The following SCUBE1 variants were observed in gnomAD, a reference collection of about 807,000 sequenced individuals.
SCUBE1 encodes the protein signal peptide, CUB and EGF-like domain-containing protein 1.
SCUBE1 carries 59 observed loss-of-function variants against 124.4 expected under a neutral mutation model. That is an observed-to-expected ratio of 0.47 (90% CI 0.38 to 0.59). The LOEUF (loss-of-function observed/expected upper bound fraction) is 0.59. Ranked by LOEUF, SCUBE1 falls within the 20% of genes least tolerant of loss-of-function variation. SCUBE1 has a pLI of 0.00. For missense variants in SCUBE1, 1,150 were observed against 1,371.2 expected, an observed-to-expected ratio of 0.84 and a Z score of 2.55; for synonymous variants, 545 against 550.9, an observed-to-expected ratio of 0.99 and a Z score of 0.15.
intron 4 of SCUBE1, among the ~76,000 whole-genome samples, chr22:43,269,468 G>A (rs752861610): frequency 2.6e-5 from 4 of 152,158 alleles, no homozygotes; most frequent in South Asian, 2.1e-4. Context: ...TTGCCGCCAC[G>A]GTCGGATAAC....
chr22:43,224,574 T>C (rs1349771044), intron 10 of SCUBE1, among the ~76,000 whole-genome samples: 2 of 152,222 alleles, frequency 1.3e-5, no homozygotes, highest in Non-Finnish European at 2.9e-5. Flanking sequence ...GTCAGAGGTC[T>C]ATGATACTAG....
intron 4 of SCUBE1, among the ~76,000 whole-genome samples, chr22:43,278,886 C>T (rs1924644606): frequency 2.0e-5 from 3 of 152,104 alleles, no homozygotes; most frequent in Admixed American, 2.0e-4. Flanking sequence ...TGGAGCTGGG[C>T]CTGTCGAGGA....
rs374532690 is a variant in SCUBE1 at position 43,212,402 on chromosome 22, C to T, written c.2221+23G>A. ...AGCCCTGCCTCTCGGGGTGGGCGGG[C>T]GTGGTGGGGAGGGCATGCTCACCTT... On this transcript the variant is annotated intron_variant, in intron 17 of 21. Coordinates refer to ENST00000360835, the MANE Select transcript of SCUBE1 (RefSeq NM_173050.5). 5.4e-5 allele frequency: 83 copies of T among 1,532,982 alleles called. No individual in the cohort carries two copies. In the African/African-American group the frequency reaches 1.0e-3, roughly 19 times the overall value. 95.0% of individuals were successfully genotyped at this position (1,532,982 alleles called of 1,614,324 possible). A position where few individuals can be genotyped will look rare whatever the true frequency, so the allele number is the denominator to read the frequency against.
intron 7 of SCUBE1, chr22:43,238,496 C>T (rs1176608641): frequency 1.7e-6 from 1 of 580,216 alleles, no homozygotes; most frequent in Admixed American, 3.1e-5. Context: ...GGAAGCCACA[C>T]TATCACTGAG....
intron 11 of SCUBE1, 105 bp downstream of exon 11, chr22:43,222,992 C>G: frequency 7.0e-7 from 1 of 1,428,890 alleles, no homozygotes; most frequent in Non-Finnish European, 9.4e-7. Flanking sequence ...GACCCTCATT[C>G]CTAGGTCAGA....
At chr22:43,281,458 CTCAGCCACCCTCCTGTCACCTCCCTCT>C (rs1924859375) in intron 4 of SCUBE1, among the ~76,000 whole-genome samples, 1 of 72,068 alleles carries the variant, frequency 1.4e-5, no homozygotes, top group South Asian at 4.8e-4. Context: ...TGTCATCTCC[CTCAGCCACCCTCCTGTCACCTCCCTCT>C]TTGGCCACCC....
At chr22:43,265,701 C>A (rs143743732) in intron 4 of SCUBE1, among the ~76,000 whole-genome samples, 1 of 152,226 alleles carries the variant, frequency 6.6e-6, no homozygotes, top group African/African-American at 2.4e-5. Flanking sequence ...GAGCCCAAAT[C>A]GCTCTGATGG....
Position 43,210,352 on chromosome 22 carries a change from T to TC in SCUBE1, c.2384-113dup, listed in dbSNP as rs370202223. 3.1e-4 allele frequency: 266 copies of TC among 870,934 alleles called. No individual in the cohort carries two copies. The highest frequency in any genetic ancestry group is 7.1e-4 in the Middle Eastern group (2 of 2,816). The allele number at this position is 870,934 out of a possible 1,614,324, so 54.0% of individuals were successfully genotyped here. ...AGGGCAGGGCTGGAAGGTGCTCTTG[T>TC]CCCCCCCCACACTAGCCCTCGGACC... On this transcript the variant is annotated intron_variant, in intron 18 of 21. Coordinates refer to ENST00000360835, the MANE Select transcript of SCUBE1 (RefSeq NM_173050.5). This position sits in a 1 kb window ranked among gnomAD's most constrained non-coding sequence, Gnocchi z 4.5.
chr22:43,239,027 ATCT>A (rs1172328829), intron 6 of SCUBE1, 73 bp from the exon 7 acceptor site: 14 of 1,217,340 alleles, frequency 1.2e-5, no homozygotes, highest in Non-Finnish European at 2.4e-6. Flanking sequence ...CCGTGGAAAG[ATCT>A]TCTATGAGAC....
intron 3 of SCUBE1, among the ~76,000 whole-genome samples, chr22:43,296,365 C>T (rs1925559362): frequency 1.3e-5 from 2 of 152,204 alleles, no homozygotes; most frequent in African/African-American, 4.8e-5. Flanking sequence ...GTCCAGAATC[C>T]CTGGGCGGCT....
At chr22:43,293,212 C>G (rs1017613852) in intron 3 of SCUBE1, among the ~76,000 whole-genome samples, 1 of 152,256 alleles carries the variant, frequency 6.6e-6, no homozygotes, top group Non-Finnish European at 1.5e-5. Flanking sequence ...ACTCATCCTG[C>G]TAACAACACA....
chr22:43,232,008 GCTGGCTCCCCAGCT>G, intron 7 of SCUBE1, 133 bp from the exon 8 acceptor site: 2 of 1,065,028 alleles, frequency 1.9e-6, no homozygotes, highest in Non-Finnish European at 2.8e-6. Context: ...CAAGCTGGCT[GCTGGCTCCCCAGCT>G]GTGCAGAGGG....
rs543839158 is a variant in SCUBE1 at position 43,255,087 on chromosome 22, C to A, written c.727+3132G>T. 6.6e-6 allele frequency among the ~76,000 whole-genome samples: 1 copy of A among 152,348 alleles called. No individual in the cohort carries two copies. Among genetic ancestry groups the A allele is most frequent in the East Asian group, 1.9e-4 (1 of 5,188 alleles). On this transcript the variant is annotated intron_variant, in intron 6 of 21. Transcript: ENST00000360835. This position sits in a 1 kb window ranked among gnomAD's most constrained non-coding sequence, Gnocchi z 4.7. Reference sequence around the variant, plus strand: ...GTGGCTGAGTCTCAGTGCTGCTTTGCTGAGCCTGGGAATCCTAACTGTGAA... The same window carrying A: ...GTGGCTGAGTCTCAGTGCTGCTTTGATGAGCCTGGGAATCCTAACTGTGAA...
In SCUBE1 at chr22:43,251,708, G is replaced by A. The variant is rs1323780245; in HGVS notation, c.727+6511C>T. ...GCCTCCAGAAGGAAACAGCCCTGCC[G>A]ACATCTTCAATTTAGCCCAGTGAGC... On this transcript the variant is annotated intron_variant, in intron 6 of 21. Coordinates refer to ENST00000360835, the MANE Select transcript of SCUBE1 (RefSeq NM_173050.5). Among the ~76,000 whole-genome samples, 10 of 152,330 alleles carry A rather than the reference G, an allele frequency of 6.6e-5. No homozygotes were observed. In the South Asian group the frequency reaches 8.3e-4, roughly 13 times the overall value.
Position 43,267,234 on chromosome 22 carries a change from A to G in SCUBE1, c.485-4389T>C, listed in dbSNP as rs377746816. Among the ~76,000 whole-genome samples, 39 of 152,298 alleles carry G rather than the reference A, an allele frequency of 2.6e-4. No individual in the cohort carries two copies. The South Asian group carries it at 7.3e-3, about 28-fold the overall frequency. Reference sequence around the variant, plus strand: ...TTTCAGTATCACGAGTACCCAGCACAGGGCCTGGCACAGGGTTAGGGATCT... The same window carrying G: ...TTTCAGTATCACGAGTACCCAGCACGGGGCCTGGCACAGGGTTAGGGATCT... On this transcript the variant is annotated intron_variant, in intron 4 of 21. Coordinates refer to ENST00000360835, the MANE Select transcript of SCUBE1 (RefSeq NM_173050.5).
chr22:43,254,058 A>T (rs1923563581), intron 6 of SCUBE1, among the ~76,000 whole-genome samples: 1 of 152,182 alleles, frequency 6.6e-6, no homozygotes, highest in Non-Finnish European at 1.5e-5. Context: ...TGGAGGCTCA[A>T]AGCCAACCCA....
intron 3 of SCUBE1, among the ~76,000 whole-genome samples, chr22:43,298,129 A>G (rs909898901): frequency 2.0e-5 from 3 of 152,254 alleles, no homozygotes; most frequent in African/African-American, 7.2e-5. Context: ...ATTGCATTTG[A>G]TGAGTTAAGT....
intron 9 of SCUBE1, among the ~76,000 whole-genome samples, chr22:43,228,754 T>C (rs1239338267): frequency 6.6e-6 from 1 of 152,240 alleles, no homozygotes; most frequent in Non-Finnish European, 1.5e-5. Flanking sequence ...TGTCTGGAAT[T>C]TCCATGTATT....
At chr22:43,214,768 A>G (rs1284663048) in intron 15 of SCUBE1, among the ~76,000 whole-genome samples, 1 of 152,216 alleles carries the variant, frequency 6.6e-6, no homozygotes, top group Non-Finnish European at 1.5e-5. Context: ...TGGGCTGAAG[A>G]CAGCGCAGTC....
Sources: allele counts gnomAD v4.1 joint callset (sites outside exome capture counted in the v4.1 genomes callset), GRCh38; gene constraint gnomAD v4.1.1; non-coding constraint Gnocchi (gnomAD v3.1); transcripts MANE v1.5; gene names NCBI Gene and HGNC (gene_info 2026-07-23, HGNC 2026-07-21).